ERC1: variants seen among roughly 807,000 people sequenced by gnomAD.
The protein encoded by ERC1 is ELKS/RAB6-interacting/CAST family member 1.
ERC1 carries 56 observed loss-of-function variants against 132.0 expected under a neutral mutation model. The observed-to-expected ratio is 0.42, with a 90% CI of 0.34 to 0.53. The LOEUF (loss-of-function observed/expected upper bound fraction) is 0.53. ERC1 is among the 20% of genes least tolerant of loss of function. The pLI is 0.03. For synonymous variants in ERC1, 478 were observed against 476.1 expected, an observed-to-expected ratio of 1.00 and a Z score of -0.05; for missense variants, 1,202 against 1,349.9, an observed-to-expected ratio of 0.89 and a Z score of 1.72.
intron 13 of ERC1, among the ~76,000 whole-genome samples, chr12:1,246,110 T>C (rs534476656): frequency 1.6e-4 from 25 of 152,304 alleles, no homozygotes; most frequent in Admixed American, 5.9e-4. Flanking sequence ...ATGATATACA[T>C]GTGCAGATCT....
intron 8 of ERC1, among the ~76,000 whole-genome samples, chr12:1,162,455 C>T (rs933473158): frequency 3.3e-5 from 5 of 149,646 alleles, no homozygotes; most frequent in African/African-American, 7.3e-5. Context: ...CTGTTTATTT[C>T]GTTTTGCTTG....
intron 16 of ERC1, among the ~76,000 whole-genome samples, chr12:1,388,641 A>G (rs751000410): frequency 1.8e-4 from 27 of 152,180 alleles, no homozygotes; most frequent in Non-Finnish European, 2.5e-4. Context: ...CGATGTTTTC[A>G]GAGTTTTCTT....
At chr12:1,326,165 A>G (rs1566592837) in intron 15 of ERC1, among the ~76,000 whole-genome samples, 1 of 152,210 alleles carries the variant, frequency 6.6e-6, no homozygotes, top group Non-Finnish European at 1.5e-5. Context: ...AAAGTAAGGT[A>G]GAAAAATCCT....
chr12:990,824 C>A (rs1959175718), upstream of ERC1, among the ~76,000 whole-genome samples: 2 of 151,514 alleles, frequency 1.3e-5, no homozygotes, highest in South Asian at 2.1e-4. Context: ...AGACACGAAG[C>A]GGCTCCTCGG....
At chr12:1,369,253 C>T (rs756163228) in intron 15 of ERC1, among the ~76,000 whole-genome samples, 2 of 152,146 alleles carry the variant, frequency 1.3e-5, no homozygotes, top group Admixed American at 6.5e-5. Context: ...CATTTTACCC[C>T]AGAGGTGAAC....
At chr12:1,263,706 T>G (rs1389772826) in intron 14 of ERC1, among the ~76,000 whole-genome samples, 2 of 152,150 alleles carry the variant, frequency 1.3e-5, no homozygotes, top group Non-Finnish European at 2.9e-5. Flanking sequence ...TTAATTTTTT[T>G]GAGACAAAAT....
chr12:1,466,268 A>C (rs111501975), intron 18 of ERC1, among the ~76,000 whole-genome samples: 23 of 152,178 alleles, frequency 1.5e-4, no homozygotes, highest in African/African-American at 4.6e-4. Flanking sequence ...CACGTGGTCT[A>C]TCCTCTCTCC....
intron 8 of ERC1, among the ~76,000 whole-genome samples, chr12:1,155,803 A>G (rs1951332210): frequency 6.6e-6 from 1 of 152,072 alleles, no homozygotes; most frequent in Non-Finnish European, 1.5e-5. Context: ...CTGAGAAATG[A>G]CAATGTAGGA....
chr12:1,009,204 T>A (rs2154137589), intron 1 of ERC1, among the ~76,000 whole-genome samples: 1 of 151,572 alleles, frequency 6.6e-6, no homozygotes, highest in South Asian at 2.1e-4. Context: ...AGACAGAGTC[T>A]CTCTCTGTCG....
intron 4 of ERC1, among the ~76,000 whole-genome samples, chr12:1,109,944 A>G (rs1388982359): frequency 6.6e-6 from 1 of 152,234 alleles, no homozygotes; most frequent in Non-Finnish European, 1.5e-5. Flanking sequence ...GCTACTTGGG[A>G]GGCTGAGGCA....
chr12:1,108,413 G>A (rs528149420), intron 4 of ERC1, among the ~76,000 whole-genome samples: 8 of 152,154 alleles, frequency 5.3e-5, no homozygotes, highest in Non-Finnish European at 8.8e-5. Context: ...CTTGAGTGGA[G>A]CCCCAGTGCT....
At chr12:1,464,511 C>CTTTTTTTT (rs34542821) in intron 18 of ERC1, among the ~76,000 whole-genome samples, 1 of 67,398 alleles carries the variant, frequency 1.5e-5, no homozygotes, top group Non-Finnish European at 2.7e-5. Context: ...ATGCAAAAGC[C>CTTTTTTTT]TTTTTTTTTT....
chr12:1,233,833 A>G (rs565804242), intron 12 of ERC1, among the ~76,000 whole-genome samples: 3 of 152,338 alleles, frequency 2.0e-5, no homozygotes, highest in Non-Finnish European at 4.4e-5. Flanking sequence ...GACAATAAGC[A>G]CAATGTATGG....
chr12:1,065,366 A>G (rs1213403644), intron 2 of ERC1, among the ~76,000 whole-genome samples: 1 of 151,616 alleles, frequency 6.6e-6, no homozygotes, highest in Admixed American at 6.6e-5. Flanking sequence ...AGTCTATTCT[A>G]TTTTTTATTT....
rs192741907 is a variant in ERC1, at chr12:1,319,359, G to A, written c.2780+29347G>A. On this transcript the variant is annotated intron_variant, in intron 15 of 18. Transcript: ENST00000360905. ...GTTTGTTAGCTTTCTGCTTTCCTTCGTATACCAAATAGAAAAATTCTCATT... is the reference window on the plus strand; with the variant it reads ...GTTTGTTAGCTTTCTGCTTTCCTTCATATACCAAATAGAAAAATTCTCATT... 9.2e-5 allele frequency among the ~76,000 whole-genome samples: 14 copies of A among 152,004 alleles called. No homozygotes were observed. In the East Asian group the frequency reaches 2.3e-3, roughly 25 times the overall value.
chr12:1,083,723 G>C, intron 3 of ERC1, 143 bp downstream of exon 3: 1 of 664,312 alleles, frequency 1.5e-6, no homozygotes, highest in Non-Finnish European at 2.5e-6. Flanking sequence ...GTGCGTCACT[G>C]ATTTCTGTTC....
intron 2 of ERC1, among the ~76,000 whole-genome samples, chr12:1,055,560 C>T (rs1565873966): frequency 6.6e-6 from 1 of 152,120 alleles, no homozygotes; most frequent in Non-Finnish European, 1.5e-5. Context: ...ATGAATTTCC[C>T]ACAATCTCAG....
At chr12:1,038,936 G>A (rs1047633238) in intron 2 of ERC1, among the ~76,000 whole-genome samples, 3 of 152,156 alleles carry the variant, frequency 2.0e-5, no homozygotes, top group Non-Finnish European at 4.4e-5. Flanking sequence ...GGGAACGATG[G>A]CTCGTGCCTG....
At chr12:1,277,624 G>A (rs2078363500) in intron 14 of ERC1, among the ~76,000 whole-genome samples, 1 of 152,076 alleles carries the variant, frequency 6.6e-6, no homozygotes, top group South Asian at 2.1e-4. Flanking sequence ...AAGTGTTACA[G>A]ATACAAACGT....
Sources: gnomAD v4.1 joint callset for allele counts (sites outside exome capture counted in the v4.1 genomes callset) on GRCh38, gnomAD v4.1.1 for gene constraint, MANE v1.5 for transcripts, NCBI Gene and HGNC (gene_info 2026-07-23, HGNC 2026-07-21) for gene names.